Variants in EML6 observed in about 807,000 individuals in gnomAD.
EML6 encodes the protein EMAP like 6.
In EML6, 154 loss-of-function variants were observed where a neutral mutation model predicts 240.1. That is an observed-to-expected ratio of 0.64 (90% CI 0.56 to 0.73). The LOEUF (loss-of-function observed/expected upper bound fraction) is 0.73. EML6 is among the 30% of genes least tolerant of loss of function. The probability of loss-of-function intolerance (pLI) is 0.00; values close to 1 mark genes in which losing one functional copy is unlikely to be tolerated. For synonymous variants in EML6, 1,148 were observed against 899.0 expected, an observed-to-expected ratio of 1.28 and a Z score of -4.95; for missense variants, 2,964 against 2,474.6, an observed-to-expected ratio of 1.20 and a Z score of -4.20.
At chr2:54,903,777 A>G (rs968153075) in intron 24 of EML6, among the ~76,000 whole-genome samples, 1 of 152,224 alleles carries the variant, frequency 6.6e-6, no homozygotes, top group African/African-American at 2.4e-5. Flanking sequence ...TTTTGTTATC[A>G]TAGCAAGCCA....
chr2:54,919,050 C>G (rs1230974958), intron 26 of EML6, among the ~76,000 whole-genome samples: 3 of 152,206 alleles, frequency 2.0e-5, no homozygotes, highest in African/African-American at 7.2e-5. Context: ...CTCCTGATTC[C>G]TAAACTTTTC....
In EML6 at chr2:54,774,410, C is replaced by T. The variant is rs1409961542; in HGVS notation, c.198-38822C>T. On this transcript the variant is annotated intron_variant, in intron 2 of 41. Coordinates refer to ENST00000356458, the MANE Select transcript of EML6 (RefSeq NM_001039753.4). This position sits in a 1 kb window ranked among gnomAD's most constrained non-coding sequence, Gnocchi z 4.1. ...GAAGGGTGACTGTGGGTGAGGGAGC[C>T]GTTGGAAGTTGAGGTGATCCCTGAA... Among the ~76,000 whole-genome samples the T allele has an allele frequency of 2.6e-5, 4 of 152,044 alleles. No homozygotes were observed. Among genetic ancestry groups the T allele is most frequent in the Admixed American group, 1.3e-4 (2 of 15,258 alleles).
intron 32 of EML6, among the ~76,000 whole-genome samples, chr2:54,956,783 A>G (rs1490969980): frequency 6.6e-6 from 1 of 152,246 alleles, no homozygotes. Flanking sequence ...AGAAAAAAAT[A>G]GGTGTGTGAA....
In EML6 at chr2:54,846,399, A is replaced by G. The variant is rs955615094; in HGVS notation, c.1050-1087A>G. ...TATACTGATATGTAGATATATAGAT[A>G]TATATTTATATTGATCTATATATTG... On this transcript the variant is annotated intron_variant, in intron 8 of 41. Coordinates refer to ENST00000356458, the MANE Select transcript of EML6 (RefSeq NM_001039753.4). Among the ~76,000 whole-genome samples the G allele has an allele frequency of 2.0e-5, 3 of 151,630 alleles. No individual in the cohort carries two copies. In the South Asian group the frequency reaches 6.2e-4, roughly 31 times the overall value.
At chr2:54,967,838 C>A (rs377305676) in intron 39 of EML6, among the ~76,000 whole-genome samples, 1 of 152,274 alleles carries the variant, frequency 6.6e-6, no homozygotes, top group South Asian at 2.1e-4. Flanking sequence ...AACCTAGATC[C>A]CTCGCATGCT....
chr2:54,731,734 C>T (rs1284298714), intron 2 of EML6, among the ~76,000 whole-genome samples: 1 of 152,158 alleles, frequency 6.6e-6, no homozygotes, highest in Non-Finnish European at 1.5e-5. Flanking sequence ...TTGTATCAGT[C>T]CCACCAACCC....
intron 13 of EML6, among the ~76,000 whole-genome samples, chr2:54,864,198 A>G (rs904778555): frequency 3.3e-5 from 5 of 152,214 alleles, no homozygotes; most frequent in African/African-American, 1.2e-4. Flanking sequence ...CAAGTAAGCC[A>G]TAGGTCTTTT....
chr2:54,844,340 A>G (rs1172824633), intron 8 of EML6, 92 bp downstream of exon 8: 18 of 946,914 alleles, frequency 1.9e-5, no homozygotes, highest in Non-Finnish European at 2.6e-5. Context: ...AGTGCAGAAC[A>G]GAACCACACA....
chr2:54,958,691 TG>T (rs1244107717), intron 33 of EML6, among the ~76,000 whole-genome samples: 1 of 152,172 alleles, frequency 6.6e-6, no homozygotes, highest in Non-Finnish European at 1.5e-5. Context: ...AAGTGGGCTA[TG>T]GGGTGCCCTC....
chr2:54,815,813 A>T (rs1668056955), intron 3 of EML6, among the ~76,000 whole-genome samples: 1 of 152,204 alleles, frequency 6.6e-6, no homozygotes, highest in African/African-American at 2.4e-5. Context: ...TGTCTGTTTC[A>T]TCCACACTGT....
intron 32 of EML6, 97 bp downstream of exon 32, chr2:54,954,253 C>A: frequency 9.1e-7 from 1 of 1,095,422 alleles, no homozygotes. Flanking sequence ...CCGAAGCCTG[C>A]CGTAGGCACT....
rs1428461667 is a variant in EML6, at chr2:54,972,009, TTGA to T, written c.*1916_*1918del. 1 of 151,872 alleles carries T rather than the reference TTGA, an allele frequency of 6.6e-6. No homozygotes were observed. The highest frequency in any genetic ancestry group is 1.5e-5 in the Non-Finnish European group (1 of 68,000). The allele number at this position is 151,872 out of a possible 1,614,324, so 9.4% of individuals were successfully genotyped here. On this transcript the variant is annotated 3_prime_UTR_variant, in exon 42 of 42. Transcript: ENST00000356458. ...AAACATTTTATGTGTCAAATAAAAT[TTGA>T]TTATGTAAACACATTTGTTGACTTT...
chr2:54,797,128 G>A (rs1349781854), intron 2 of EML6, among the ~76,000 whole-genome samples: 3 of 121,880 alleles, frequency 2.5e-5, no homozygotes, highest in African/African-American at 9.3e-5. Context: ...TCGTGCCACT[G>A]CACTCCAGCC....
Position 54,903,086 on chromosome 2 carries a change from C to A in EML6, c.3167C>A (p.Ala1056Glu). Residue 1056 changes from alanine (A) to glutamate (E), a missense_variant, in exon 23 of 42, where the codon GCG becomes GAG. Physicochemically the swap from Ala to Glu is moderately radical, Grantham distance 107 (BLOSUM62 -1). Transcript: ENST00000356458. ...CAFSPDGKAL[A>E]VGLNDGSFLV... ...TTTTCCCCTGATGGGAAAGCCTTAG[C>A]GGTTGGCTTGAACGATGGGAGTTTC... is the stretch of plus-strand genomic sequence containing the variant. 1 of 1,551,714 alleles carries A rather than the reference C, an allele frequency of 6.4e-7. No individual in the cohort carries two copies. Among genetic ancestry groups the A allele is most frequent in the Non-Finnish European group, 8.7e-7 (1 of 1,146,956 alleles).
chr2:54,744,096 A>G (rs1027572333), intron 2 of EML6, among the ~76,000 whole-genome samples: 3 of 146,194 alleles, frequency 2.1e-5, no homozygotes, highest in African/African-American at 7.5e-5. Context: ...GGGCATTTAC[A>G]TTGAACAATG....
At chr2:54,730,274 A>T (rs1022200136) in intron 2 of EML6, among the ~76,000 whole-genome samples, 1 of 152,242 alleles carries the variant, frequency 6.6e-6, no homozygotes, top group South Asian at 2.1e-4. Context: ...GGCTCAAATA[A>T]TCTAGTGCTG....
intron 2 of EML6, among the ~76,000 whole-genome samples, chr2:54,798,707 T>C (rs1282380301): frequency 2.0e-5 from 3 of 152,214 alleles, no homozygotes; most frequent in Non-Finnish European, 2.9e-5. Context: ...AACTGTAGAT[T>C]AATTAGGATA....
chr2:54,796,167 TATC>T (rs1311669005), intron 2 of EML6, among the ~76,000 whole-genome samples: 5 of 152,206 alleles, frequency 3.3e-5, no homozygotes, highest in African/African-American at 9.6e-5. Flanking sequence ...AATCCCAAGA[TATC>T]ATATCTATCT....
chr2:54,813,970 G>A (rs552226530), intron 3 of EML6, among the ~76,000 whole-genome samples: 1 of 152,240 alleles, frequency 6.6e-6, no homozygotes, highest in South Asian at 2.1e-4. Context: ...TCCTTTAAGT[G>A]CTAATAAGTC....
Sources: gnomAD v4.1 joint callset for allele counts (sites outside exome capture counted in the v4.1 genomes callset) on GRCh38, gnomAD v4.1.1 for gene constraint, Gnocchi (gnomAD v3.1) non-coding constraint, MANE v1.5 for transcripts, NCBI Gene and HGNC (gene_info 2026-07-23, HGNC 2026-07-21) for gene names.